DDAH1: variants seen among roughly 807,000 people sequenced by gnomAD.
The protein encoded by DDAH1 is N(G),N(G)-dimethylarginine dimethylaminohydrolase 1.
Under a neutral mutation model 28.8 loss-of-function variants are expected in DDAH1, and 19 were observed. The ratio of observed to expected loss-of-function variants is 0.66; its 90% CI spans 0.46 to 0.97. The LOEUF (loss-of-function observed/expected upper bound fraction) is 0.97, where lower values mean the gene tolerates loss of function less well. DDAH1 is among the 50% of genes least tolerant of loss of function. DDAH1 has a pLI of 0.00. For synonymous variants in DDAH1, 153 were observed against 154.4 expected, an observed-to-expected ratio of 0.99 and a Z score of 0.07; for missense variants, 326 against 375.9, an observed-to-expected ratio of 0.87 and a Z score of 1.10.
In DDAH1 at chr1:85,318,513, T is replaced by C. The variant is rs1661198072; in HGVS notation, c.*2939A>G. 6.6e-6 allele frequency: 1 copy of C among 152,614 alleles called. No individual in the cohort carries two copies. Among genetic ancestry groups the C allele is most frequent in the South Asian group, 2.1e-4 (1 of 4,830 alleles). 9.5% of individuals were successfully genotyped at this position (152,614 alleles called of 1,614,324 possible). A position where few individuals can be genotyped will look rare whatever the true frequency, so the allele number is the denominator to read the frequency against. On this transcript the variant is annotated 3_prime_UTR_variant, in exon 6 of 6. Coordinates refer to ENST00000284031, the MANE Select transcript of DDAH1 (RefSeq NM_012137.4). ...CAGTACAACTCAACACTTTATTCCATTGTGATTGGTATACATGTAAGATTG... is the reference window on the plus strand; with the variant it reads ...CAGTACAACTCAACACTTTATTCCACTGTGATTGGTATACATGTAAGATTG...
At chr1:85,347,247 C>T (rs1365392293) in intron 4 of DDAH1, among the ~76,000 whole-genome samples, 3 of 152,130 alleles carry the variant, frequency 2.0e-5, no homozygotes, top group African/African-American at 7.2e-5. Flanking sequence ...ACCATTTGAC[C>T]CAGCCATCCC....
At chr1:85,573,707 G>A (rs1659521170) in intron 1 of DDAH1, among the ~76,000 whole-genome samples, 1 of 152,230 alleles carries the variant, frequency 6.6e-6, no homozygotes. Flanking sequence ...CAGGAAGGAG[G>A]GAGACAGAGT....
chr1:85,571,521 G>A (rs1357900661), intron 1 of DDAH1, among the ~76,000 whole-genome samples: 1 of 152,200 alleles, frequency 6.6e-6, no homozygotes, highest in African/African-American at 2.4e-5. Context: ...TGTATTATCT[G>A]TTTAAGCATC....
chr1:85,430,816 A>T (rs1653647920), intron 1 of DDAH1, among the ~76,000 whole-genome samples: 1 of 152,172 alleles, frequency 6.6e-6, no homozygotes, highest in African/African-American at 2.4e-5. Context: ...TTTTCTAAAT[A>T]TACAATCATG....
chr1:85,420,535 A>C (rs1653092716), intron 1 of DDAH1, among the ~76,000 whole-genome samples: 2 of 152,216 alleles, frequency 1.3e-5, no homozygotes, highest in African/African-American at 4.8e-5. Flanking sequence ...ATAGATCCCT[A>C]GGGCACGGAC....
In DDAH1 at chr1:85,417,564, T is replaced by G. The variant is rs577565803; in HGVS notation, c.303+47179A>C. On this transcript the variant is annotated intron_variant, in intron 1 of 5. Transcript: ENST00000284031. ...GAGAATTTAAGCAAACAGGATCCCT[T>G]TGAAGAAAATCAAAGTTGGAATGTA... 9.8e-5 allele frequency among the ~76,000 whole-genome samples: 15 copies of G among 152,306 alleles called. No individual in the cohort carries two copies. In the East Asian group the frequency reaches 2.9e-3, roughly 29 times the overall value.
chr1:85,409,485 ACTTT>A (rs1380418734), intron 1 of DDAH1, among the ~76,000 whole-genome samples: 1 of 152,188 alleles, frequency 6.6e-6, no homozygotes, highest in Non-Finnish European at 1.5e-5. Flanking sequence ...TTCTCCTGTT[ACTTT>A]AAGTTCTAGT....
At chr1:85,483,835 C>G (rs557814213) in intron 2 of DDAH1, among the ~76,000 whole-genome samples, 1 of 152,110 alleles carries the variant, frequency 6.6e-6, no homozygotes, top group Admixed American at 6.6e-5. Context: ...CAGCCCAACA[C>G]TCGCTCTGAT....
At chr1:85,398,511 C>T (rs1007827091) in intron 1 of DDAH1, 7 of 152,178 alleles carry the variant, frequency 4.6e-5, no homozygotes, top group African/African-American at 1.7e-4. Flanking sequence ...CTAGCTTCAA[C>T]TCTTCAACTA....
intron 2 of DDAH1, among the ~76,000 whole-genome samples, chr1:85,353,919 C>T (rs1240787326): frequency 2.6e-5 from 4 of 151,906 alleles, no homozygotes; most frequent in Non-Finnish European, 4.4e-5. Context: ...CTAAGGTGTT[C>T]GGAGCGTGAT....
intron 2 of DDAH1, among the ~76,000 whole-genome samples, 181 bp downstream of exon 2, chr1:85,358,567 T>C (rs959014839): frequency 2.6e-5 from 4 of 152,178 alleles, no homozygotes; most frequent in African/African-American, 9.7e-5. Flanking sequence ...GAGAATCGCT[T>C]GAACCCAGGA....
At position 85,424,612 on chromosome 1, in the gene DDAH1, A is replaced by G. The variant is rs1418718195; in HGVS notation, c.303+40131T>C. On this transcript the variant is annotated intron_variant, in intron 1 of 5. Coordinates refer to ENST00000284031, the MANE Select transcript of DDAH1 (RefSeq NM_012137.4). ...TCCATTTTCTCAAATGTAAAAATAGATACCATTATCTCCTTCCTTTTTAGT... is the reference window on the plus strand; with the variant it reads ...TCCATTTTCTCAAATGTAAAAATAGGTACCATTATCTCCTTCCTTTTTAGT... Among the ~76,000 whole-genome samples the G allele has an allele frequency of 2.6e-5, 4 of 152,190 alleles. No homozygotes were observed. The East Asian group carries it at 7.7e-4, about 29-fold the overall frequency.
rs899056890 is a variant in DDAH1, at chr1:85,318,918, A to C, written c.*2534T>G. 1 of 152,220 alleles carries C rather than the reference A, an allele frequency of 6.6e-6. No homozygotes were observed. Among genetic ancestry groups the C allele is most frequent in the African/African-American group, 2.4e-5 (1 of 41,466 alleles). 9.4% of individuals were successfully genotyped at this position (152,220 alleles called of 1,614,324 possible). ...TATAGCTGAAGAAATAATGCTAAAT[A>C]ATGTATTTTCTCTATATCATCCTTT... On this transcript the variant is annotated 3_prime_UTR_variant, in exon 6 of 6. Transcript: ENST00000284031.
At chr1:85,443,216 A>G (rs1326109265) in intron 1 of DDAH1, among the ~76,000 whole-genome samples, 1 of 152,188 alleles carries the variant, frequency 6.6e-6, no homozygotes, top group Non-Finnish European at 1.5e-5. Context: ...AGGTGTAAGG[A>G]AGGGATCCAG....
At chr1:85,466,904 C>T (rs1254367322), upstream of DDAH1, among the ~76,000 whole-genome samples, 1 of 124,264 alleles carries the variant, frequency 8.0e-6, no homozygotes, top group African/African-American at 3.1e-5. Flanking sequence ...ATGGCGCGAT[C>T]TCAGCTCACT....
At chr1:85,374,093 CA>C (rs1650529474) in intron 1 of DDAH1, among the ~76,000 whole-genome samples, 1 of 152,118 alleles carries the variant, frequency 6.6e-6, no homozygotes, top group Non-Finnish European at 1.5e-5. Flanking sequence ...TCTAAACATC[CA>C]AATACTAACG....
At chr1:85,563,498 T>G (rs910454807) in intron 1 of DDAH1, among the ~76,000 whole-genome samples, 24 of 152,140 alleles carry the variant, frequency 1.6e-4, no homozygotes, top group African/African-American at 4.8e-4. Context: ...GCCACTTTGG[T>G]CTCTACAAAA....
intron 1 of DDAH1, among the ~76,000 whole-genome samples, chr1:85,432,532 T>C (rs754726219): frequency 7.9e-5 from 12 of 152,202 alleles, no homozygotes; most frequent in Non-Finnish European, 1.8e-4. Flanking sequence ...CTTTTTTCAG[T>C]AGATTCCATC....
In DDAH1 at chr1:85,380,054, T is replaced by C. The variant is rs139262042; in HGVS notation, c.304-21207A>G. 1.2e-3 allele frequency among the ~76,000 whole-genome samples: 186 copies of C among 152,308 alleles called. 1 individual carries two copies. The highest frequency in any genetic ancestry group is 4.3e-3 in the African/African-American group (180 of 41,568). ...TTTAAAAACCCAAGCTTACCTAACA[T>C]TGTCTGTTACATTTTTCTTTTAAGT... On this transcript the variant is annotated intron_variant, in intron 1 of 5. Coordinates refer to ENST00000284031, the MANE Select transcript of DDAH1 (RefSeq NM_012137.4).
Sources: gnomAD v4.1 joint callset for allele counts (sites outside exome capture counted in the v4.1 genomes callset) on GRCh38, gnomAD v4.1.1 for gene constraint, MANE v1.5 for transcripts, NCBI Gene and HGNC (gene_info 2026-07-23, HGNC 2026-07-21) for gene names.